ANKAR: variants seen among roughly 807,000 people sequenced by gnomAD.
The protein encoded by ANKAR is ankyrin and armadillo repeat containing, also known as ankyrin and armadillo repeat-containing protein.
In ANKAR, 136 loss-of-function variants were observed where a neutral mutation model predicts 146.2. The ratio of observed to expected loss-of-function variants is 0.93; its 90% CI spans 0.81 to 1.07. ANKAR has a LOEUF of 1.07. ANKAR is among the 50% of genes least tolerant of loss of function. ANKAR has a pLI of 0.00. For missense variants in ANKAR, 1,567 were observed against 1,679.9 expected (o/e 0.93, Z 1.18); for synonymous variants, 500 against 575.8 (o/e 0.87, Z 1.88).
chr2:189,719,125 G>A (rs1444426965), intron 10 of ANKAR, among the ~76,000 whole-genome samples: 2 of 152,134 alleles, frequency 1.3e-5, no homozygotes, highest in Admixed American at 1.3e-4. Context: ...ACTAGATTCA[G>A]CACTTTTTGT....
chr2:189,701,270 T>G (rs183285220), intron 7 of ANKAR, among the ~76,000 whole-genome samples: 93 of 152,320 alleles, frequency 6.1e-4, no homozygotes, highest in Non-Finnish European at 1.1e-3. Context: ...AGGGTATTTA[T>G]TGCCCAGGCT....
At position 189,733,222 on chromosome 2, in the gene ANKAR, C is replaced by T. The variant is rs1276169565; in HGVS notation, c.3416C>T (p.Thr1139Ile). ...GATGTCCTTTATCTTCTTCACTCAA[C>T]AGAAAAGGTAATACCTTTACAAAAT... Reference protein sequence around the residue: ...YADVLYLLHSTEKDICLRAGY... With the variant: ...YADVLYLLHSIEKDICLRAGY... Residue 1139 changes from threonine (T) to isoleucine (I), a missense_variant, in exon 17 of 23, where the codon ACA becomes ATA. Coordinates refer to ENST00000684021, the MANE Select transcript of ANKAR (RefSeq NM_001378068.1). 1 of 1,600,616 alleles carries T rather than the reference C, an allele frequency of 6.2e-7. No homozygotes were observed. The highest frequency in any genetic ancestry group is 1.1e-5 in the South Asian group (1 of 87,458).
chr2:189,686,328 A>G (rs1239694328), intron 2 of ANKAR, among the ~76,000 whole-genome samples: 2 of 152,216 alleles, frequency 1.3e-5, no homozygotes, highest in African/African-American at 2.4e-5. Context: ...TCTTACGACT[A>G]CAAGCAGTTT....
At position 189,705,045 on chromosome 2, in the gene ANKAR, T is replaced by C; in HGVS notation, c.1731T>C (p.Ala577=). The change falls in exon 8 of 23, where the codon GCT becomes GCC. Residue 577 remains alanine, a synonymous_variant. Transcript: ENST00000684021. ...FSQGPTPLHL[A]AQACSLETTV... Reference sequence around the variant, plus strand: ...TAGGTCCAACACCTCTACACCTTGCTGCACAGGCTTGCTCATTAGAAACAA... The same window carrying C: ...TAGGTCCAACACCTCTACACCTTGCCGCACAGGCTTGCTCATTAGAAACAA... The C allele has an allele frequency of 6.2e-7, 1 of 1,614,118 alleles. No homozygotes were observed. The highest frequency in any genetic ancestry group is 8.5e-7 in the Non-Finnish European group (1 of 1,180,012).
chr2:189,718,359 GACACACACACACACACAC>G (rs66795152), intron 10 of ANKAR, among the ~76,000 whole-genome samples: 77 of 151,164 alleles, frequency 5.1e-4, no homozygotes, highest in Middle Eastern at 3.4e-3. Context: ...TCTACACACA[GACACACACACACACACAC>G]ACACACACAC....
chr2:189,716,220 T>G (rs2040442011), intron 10 of ANKAR, among the ~76,000 whole-genome samples: 1 of 152,214 alleles, frequency 6.6e-6, no homozygotes, highest in African/African-American at 2.4e-5. Context: ...CTCCTTAAGC[T>G]GATAAGCAAC....
rs547112855 is a variant in ANKAR, at chr2:189,746,317, T to C, written c.4058-63T>C. The C allele has an allele frequency of 3.4e-6, 5 of 1,466,982 alleles. No individual in the cohort carries two copies. In the African/African-American group the frequency reaches 5.6e-5, roughly 16 times the overall value. 90.9% of individuals were successfully genotyped at this position (1,466,982 alleles called of 1,614,324 possible). ...TAAAGAAAATAGAACTACATAGAAG[T>C]AGAAGTAATGAGACTATACCTAGGG... is the stretch of plus-strand genomic sequence containing the variant. On this transcript the variant is annotated intron_variant, in intron 22 of 22. Transcript: ENST00000684021.
intron 2 of ANKAR, among the ~76,000 whole-genome samples, chr2:189,681,290 C>T (rs1248100617): frequency 1.3e-5 from 2 of 152,182 alleles, no homozygotes; most frequent in African/African-American, 4.8e-5. Context: ...CCAGTAGAGA[C>T]CTGATCATGG....
At position 189,707,181 on chromosome 2, in the gene ANKAR, T is replaced by C. The variant is rs896092880; in HGVS notation, c.2119+35T>C. ...ATCTCTTTATAAATACATGTTCTGA[T>C]TATTATTCAGTTTAGTTATTGATAC... On this transcript the variant is annotated intron_variant, in intron 9 of 22. Coordinates refer to ENST00000684021, the MANE Select transcript of ANKAR (RefSeq NM_001378068.1). The C allele has an allele frequency of 3.4e-6, 4 of 1,181,560 alleles. No homozygotes were observed. The African/African-American group carries it at 6.2e-5, about 18-fold the overall frequency. 73.2% of individuals were successfully genotyped at this position (1,181,560 alleles called of 1,614,324 possible).
chr2:189,738,535 A>C, intron 18 of ANKAR, 30 bp from the exon 19 acceptor site: 2 of 1,375,352 alleles, frequency 1.5e-6, no homozygotes, highest in South Asian at 1.3e-5. Context: ...GAAAATGTTC[A>C]AAGACTCTCT....
chr2:189,724,844 T>C (rs1397889882), intron 12 of ANKAR, among the ~76,000 whole-genome samples: 1 of 152,136 alleles, frequency 6.6e-6, no homozygotes, highest in East Asian at 1.9e-4. Context: ...AATATATTGA[T>C]ATTCTACATA....
chr2:189,688,066 A>AT (rs200118668), intron 2 of ANKAR, among the ~76,000 whole-genome samples: 19 of 151,388 alleles, frequency 1.3e-4, no homozygotes, highest in East Asian at 9.7e-4. Flanking sequence ...AGTTTACCCA[A>AT]TTTTTTTTTA....
At chr2:189,714,466 AC>A (rs2040145491) in intron 10 of ANKAR, among the ~76,000 whole-genome samples, 1 of 152,184 alleles carries the variant, frequency 6.6e-6, no homozygotes, top group South Asian at 2.1e-4. Context: ...CTCACTCAAA[AC>A]CACACAACTA....
intron 18 of ANKAR, chr2:189,754,008 GC>G: frequency 6.2e-7 from 1 of 1,613,644 alleles, no homozygotes. Context: ...GCCATTGTGT[GC>G]TGTACTGTGG....
rs768203720 is a variant in ANKAR at position 189,728,361 on chromosome 2, T to C, written c.2972T>C (p.Ile991Thr). 14 of 1,613,168 alleles carry C rather than the reference T, an allele frequency of 8.7e-6. No homozygotes were observed. In the South Asian group the frequency reaches 1.5e-4, roughly 18 times the overall value. The change falls in exon 14 of 23, where the codon ATT (isoleucine) becomes ACT (threonine). Residue 991 changes from isoleucine to threonine, a missense_variant. Transcript: ENST00000684021. ...LKQQKYMAEQ[I>T]GYSFIINMLL... ...CAACAAAAATATATGGCAGAACAAA[T>C]TGGATACAGCTTTATAATAAATATG...
chr2:189,737,904 T>C, intron 18 of ANKAR, 63 bp downstream of exon 18: 2 of 1,429,678 alleles, frequency 1.4e-6, no homozygotes, highest in South Asian at 3.0e-5. Flanking sequence ...ACTTGAAAAT[T>C]ACAACAATTT....
intron 10 of ANKAR, among the ~76,000 whole-genome samples, chr2:189,717,220 C>T (rs1017645625): frequency 3.1e-4 from 47 of 152,044 alleles, no homozygotes; most frequent in Non-Finnish European, 5.3e-4. Context: ...CCAGAATCTA[C>T]GGAGAACTTA....
At chr2:189,703,248 T>G (rs1322432205) in intron 7 of ANKAR, among the ~76,000 whole-genome samples, 3 of 152,194 alleles carry the variant, frequency 2.0e-5, no homozygotes, top group African/African-American at 7.2e-5. Flanking sequence ...ATTTATGTTT[T>G]GAAAAACTGG....
chr2:189,701,547 A>C lies in ANKAR; in HGVS notation c.1709-3476A>C, dbSNP rs2105618685. On this transcript the variant is annotated intron_variant, in intron 7 of 22. Coordinates refer to ENST00000684021, the MANE Select transcript of ANKAR (RefSeq NM_001378068.1). ...ACTGTGCCTTGGCCTGGAGGTTTCTACTGATATATCTTCAGGATTAGAGAT... is the reference window on the plus strand; with the variant it reads ...ACTGTGCCTTGGCCTGGAGGTTTCTCCTGATATATCTTCAGGATTAGAGAT... Among the ~76,000 whole-genome samples, 3 of 152,248 alleles carry C rather than the reference A, an allele frequency of 2.0e-5. No homozygotes were observed. The Middle Eastern group carries it at 0.01, about 518-fold the overall frequency.
Sources: gnomAD v4.1 joint callset for allele counts (sites outside exome capture counted in the v4.1 genomes callset) on GRCh38, gnomAD v4.1.1 for gene constraint, MANE v1.5 for transcripts, NCBI Gene and HGNC (gene_info 2026-07-23, HGNC 2026-07-21) for gene names.